The following RNF144A variants were observed in gnomAD, a reference collection of about 807,000 sequenced individuals.
The protein encoded by RNF144A is ring finger protein 144A.
In RNF144A, 11 loss-of-function variants were observed where a neutral mutation model predicts 38.7. That is an observed-to-expected ratio of 0.28 (90% CI 0.18 to 0.47). The LOEUF (loss-of-function observed/expected upper bound fraction) is 0.47, where lower values mean the gene tolerates loss of function less well. Ranked by LOEUF, RNF144A falls within the 20% of genes least tolerant of loss-of-function variation. RNF144A has a pLI of 0.99. For missense variants in RNF144A, 316 were observed against 377.2 expected, an observed-to-expected ratio of 0.84 and a Z score of 1.34; for synonymous variants, 149 against 143.9, an observed-to-expected ratio of 1.04 and a Z score of -0.25.
At chr2:7,037,751 A>T (rs1442376188) in intron 8 of RNF144A, among the ~76,000 whole-genome samples, 1 of 152,208 alleles carries the variant, frequency 6.6e-6, no homozygotes, top group Non-Finnish European at 1.5e-5. Flanking sequence ...CACATCTGGG[A>T]TGCTTTAGTA....
chr2:6,923,798 TA>T (rs111278900), intron 1 of RNF144A, among the ~76,000 whole-genome samples: 2,537 of 147,260 alleles, frequency 0.017, 38 homozygotes, highest in Middle Eastern at 0.029. Context: ...ATAGCAACTT[TA>T]TTTTTTTTTT....
rs1666391744 is a variant in RNF144A at position 6,947,179 on chromosome 2, A to G, written c.-12+6032A>G. ...ATAAGTAATATTTATCCATAGATATACAAACTTAAAGAGAAAAAATCCAAA... is the reference window on the plus strand; with the variant it reads ...ATAAGTAATATTTATCCATAGATATGCAAACTTAAAGAGAAAAAATCCAAA... On this transcript the variant is annotated intron_variant, in intron 2 of 8. Transcript: ENST00000320892. Among the ~76,000 whole-genome samples the G allele has an allele frequency of 5.9e-5, 9 of 152,248 alleles. No homozygotes were observed. The South Asian group carries it at 1.9e-3, about 32-fold the overall frequency.
intron 2 of RNF144A, among the ~76,000 whole-genome samples, chr2:6,990,725 A>G (rs1201813170): frequency 6.6e-6 from 1 of 151,982 alleles, no homozygotes; most frequent in Non-Finnish European, 1.5e-5. Flanking sequence ...GGTTTCACTC[A>G]CCCTTGGTGT....
chr2:7,040,874 G>A lies in RNF144A; in HGVS notation c.*1114G>A, dbSNP rs906897116. 3.0e-6 allele frequency: 3 copies of A among 985,314 alleles called. No individual in the cohort carries two copies. Among genetic ancestry groups the A allele is most frequent in the Non-Finnish European group, 3.6e-6 (3 of 829,940 alleles). The allele number at this position is 985,314 out of a possible 1,614,324, so 61.0% of individuals were successfully genotyped here. ...TCCTGTTGCTAACCGTTTTGCTCTTGTTGGGGAAAAGAACCTCCCATTTCA... is the reference window on the plus strand; with the variant it reads ...TCCTGTTGCTAACCGTTTTGCTCTTATTGGGGAAAAGAACCTCCCATTTCA... On this transcript the variant is annotated 3_prime_UTR_variant, in exon 9 of 9. Coordinates refer to ENST00000320892, the MANE Select transcript of RNF144A (RefSeq NM_014746.6).
chr2:6,976,779 A>G (rs757126760), intron 2 of RNF144A, among the ~76,000 whole-genome samples: 123 of 151,666 alleles, frequency 8.1e-4, no homozygotes, highest in Non-Finnish European at 1.2e-3. Flanking sequence ...CTGTTGTACC[A>G]TCATAATGAA....
In RNF144A at chr2:6,968,691, G is replaced by A. The variant is rs113891786; in HGVS notation, c.-12+27544G>A. ...ATAACACCCAGAATTACCTGTCAAT[G>A]TGTTTTTTTTTTTACAAATTTAGCC... On this transcript the variant is annotated intron_variant, in intron 2 of 8. Transcript: ENST00000320892. Among the ~76,000 whole-genome samples the A allele has an allele frequency of 2.7e-3, 299 of 109,816 alleles. 1 individual carries two copies. Among genetic ancestry groups the A allele is most frequent in the Non-Finnish European group, 4.6e-3 (210 of 45,970 alleles). 72.0% of individuals were successfully genotyped at this position (109,816 alleles called of 152,430 possible).
intron 3 of RNF144A, among the ~76,000 whole-genome samples, chr2:7,012,847 T>C (rs944605037): frequency 1.3e-5 from 2 of 152,204 alleles, no homozygotes; most frequent in African/African-American, 4.8e-5. Context: ...AATGTCTTCA[T>C]AAACCATAGG....
chr2:6,995,473 A>G (rs1426226561), intron 2 of RNF144A, among the ~76,000 whole-genome samples: 2 of 152,226 alleles, frequency 1.3e-5, no homozygotes, highest in African/African-American at 2.4e-5. Flanking sequence ...GAGGTCCCAC[A>G]GTAGGCCATC....
At chr2:7,056,841 G>A (rs1385684660) in intron 6 of RNF144A, among the ~76,000 whole-genome samples, 1 of 152,128 alleles carries the variant, frequency 6.6e-6, no homozygotes, top group Non-Finnish European at 1.5e-5. Context: ...TGTATCTCAT[G>A]CGCCTGCTTC....
chr2:6,966,730 T>C lies in RNF144A; in HGVS notation c.-12+25583T>C, dbSNP rs115384206. On this transcript the variant is annotated intron_variant, in intron 2 of 8. Coordinates refer to ENST00000320892, the MANE Select transcript of RNF144A (RefSeq NM_014746.6). ...AGGAGTCCTGAAGCGACTTCAACTT[T>C]AATAGGATAATAACTGAGCAGAGTG... Among the ~76,000 whole-genome samples the C allele has an allele frequency of 4.4e-3, 669 of 152,310 alleles. 9 individuals are homozygous for C. The highest frequency in any genetic ancestry group is 0.016 in the African/African-American group (647 of 41,562).
chr2:6,999,350 C>T (rs1572370989), intron 3 of RNF144A, among the ~76,000 whole-genome samples: 1 of 152,170 alleles, frequency 6.6e-6, no homozygotes. Context: ...GGCGCCTTCC[C>T]CTCTGTGTGG....
chr2:6,983,830 A>G (rs771259), intron 2 of RNF144A, among the ~76,000 whole-genome samples: 47,739 of 152,010 alleles, frequency 0.31, 7,811 homozygotes, highest in African/African-American at 0.39. Context: ...GATGTCTCAG[A>G]TGGCAGCTCC....
intron 8 of RNF144A, among the ~76,000 whole-genome samples, chr2:7,038,020 CTT>C (rs1417086898): frequency 2.0e-5 from 3 of 152,236 alleles, no homozygotes; most frequent in African/African-American, 7.2e-5. Flanking sequence ...CTCTGTGCCT[CTT>C]TGACCAGCCA....
chr2:7,000,333 G>C (rs1437628893), intron 3 of RNF144A, among the ~76,000 whole-genome samples: 2 of 152,186 alleles, frequency 1.3e-5, no homozygotes, highest in African/African-American at 4.8e-5. Flanking sequence ...CTGTGCTGGA[G>C]CACTGGCCAG....
intron 5 of RNF144A, 96 bp downstream of exon 5, chr2:7,014,868 A>G (rs1671041070): frequency 1.2e-6 from 1 of 838,826 alleles, no homozygotes; most frequent in Non-Finnish European, 2.0e-6. Context: ...GTTATACAGC[A>G]TTTGATAGGA....
chr2:7,047,262 G>A (rs565851857), downstream of RNF144A, among the ~76,000 whole-genome samples: 203 of 147,148 alleles, frequency 1.4e-3, no homozygotes, highest in African/African-American at 4.9e-3. Context: ...GTGTGCATGT[G>A]TGTCTATGTG....
intron 2 of RNF144A, among the ~76,000 whole-genome samples, chr2:6,971,537 G>T (rs1386298793): frequency 2.6e-5 from 4 of 152,214 alleles, no homozygotes; most frequent in Admixed American, 2.6e-4. Context: ...GGATCAATGA[G>T]AGATTTTTCC....
intron 6 of RNF144A, among the ~76,000 whole-genome samples, chr2:7,053,476 T>C (rs1017802376): frequency 6.6e-6 from 1 of 152,190 alleles, no homozygotes; most frequent in African/African-American, 2.4e-5. Context: ...GGGGGAATTA[T>C]CGGTTTTCAA....
At chr2:6,975,994 C>A (rs1225902059) in intron 2 of RNF144A, among the ~76,000 whole-genome samples, 1 of 152,304 alleles carries the variant, frequency 6.6e-6, no homozygotes, top group Admixed American at 6.5e-5. Flanking sequence ...CTTTCTTCAG[C>A]GGCACAGTAT....
Sources: allele counts gnomAD v4.1 joint callset (sites outside exome capture counted in the v4.1 genomes callset), GRCh38; gene constraint gnomAD v4.1.1; transcripts MANE v1.5; gene names NCBI Gene and HGNC (gene_info 2026-07-23, HGNC 2026-07-21).